The following EIF4G3 variants were observed in gnomAD, a reference collection of about 807,000 sequenced individuals.
EIF4G3 encodes eIF-4-gamma 3.
Under a neutral mutation model 186.4 loss-of-function variants are expected in EIF4G3, and 34 were observed. That is an observed-to-expected ratio of 0.18 (90% CI 0.14 to 0.24). The LOEUF (loss-of-function observed/expected upper bound fraction) is 0.24, where lower values mean the gene tolerates loss of function less well. Ranked by LOEUF, EIF4G3 falls within the 10% of genes least tolerant of loss-of-function variation. EIF4G3 has a pLI of 1.00. For missense variants in EIF4G3, 1,536 were observed against 1,948.5 expected (o/e 0.79, Z 3.99); for synonymous variants, 673 against 679.5 (o/e 0.99, Z 0.15).
chr1:21,090,655 A>G (rs2096163109), intron 2 of EIF4G3, among the ~76,000 whole-genome samples: 3 of 152,302 alleles, frequency 2.0e-5, no homozygotes, highest in Middle Eastern at 3.4e-3. Context: ...ATAAACAGAA[A>G]TTGTCTTTCA....
At chr1:20,886,410 A>G (rs765458442) in intron 18 of EIF4G3, 39 bp from the exon 19 acceptor site, 2 of 1,595,410 alleles carry the variant, frequency 1.3e-6, no homozygotes, top group Non-Finnish European at 1.7e-6. Flanking sequence ...AGTACTTACA[A>G]TTTATTGGCT....
intron 30 of EIF4G3, among the ~76,000 whole-genome samples, chr1:20,834,222 G>A (rs1383624470): frequency 6.6e-6 from 1 of 152,156 alleles, no homozygotes; most frequent in Non-Finnish European, 1.5e-5. Context: ...GTCAAGGCAG[G>A]AGGATCAATT....
In EIF4G3 at chr1:21,176,867, T is replaced by C. The variant is rs985905415; in HGVS notation, c.-601A>G. The stretch of plus-strand genomic sequence containing the variant: ...GAGCAGAGCATCCAACATGGCGCTG[T>C]GGCCGCCTCCAGCAGTCCGGCAGGA... On this transcript the variant is annotated 5_prime_UTR_variant, in exon 1 of 37. Coordinates refer to ENST00000602326, the MANE Select transcript of EIF4G3 (RefSeq NM_001391906.1). 7 of 699,560 alleles carry C rather than the reference T, an allele frequency of 1.0e-5. No homozygotes were observed. The highest frequency in any genetic ancestry group is 5.3e-5 in the African/African-American group (3 of 57,000). 43.3% of individuals were successfully genotyped at this position (699,560 alleles called of 1,614,324 possible).
chr1:21,045,231 C>T (rs907626754), intron 4 of EIF4G3, among the ~76,000 whole-genome samples: 17 of 152,070 alleles, frequency 1.1e-4, no homozygotes, highest in African/African-American at 3.6e-4. Context: ...ACAAGATTCC[C>T]GGAAGCTGGA....
chr1:20,876,102 A>G (rs918818398), intron 20 of EIF4G3, among the ~76,000 whole-genome samples: 2 of 151,606 alleles, frequency 1.3e-5, no homozygotes, highest in Non-Finnish European at 2.9e-5. Context: ...ATGTGCCTGT[A>G]GTCCCAGCTA....
At chr1:20,914,690 ATATTT>A (rs1475050453) in intron 14 of EIF4G3, among the ~76,000 whole-genome samples, 2 of 152,210 alleles carry the variant, frequency 1.3e-5, no homozygotes, top group Admixed American at 6.5e-5. Flanking sequence ...TCGGTTCAAA[ATATTT>A]TATAATTTCT....
chr1:21,054,246 T>C (rs1049480605), intron 3 of EIF4G3, among the ~76,000 whole-genome samples: 1 of 151,270 alleles, frequency 6.6e-6, no homozygotes, highest in Non-Finnish European at 1.5e-5. Context: ...CAAGATGTGC[T>C]TTGTTAAACA....
intron 2 of EIF4G3, among the ~76,000 whole-genome samples, chr1:21,134,061 TTTTAC>T (rs2097198784): frequency 6.6e-6 from 1 of 152,220 alleles, no homozygotes; most frequent in Non-Finnish European, 1.5e-5. Context: ...CACATTAGAA[TTTTAC>T]TTCACTGAGC....
At chr1:21,113,357 T>C (rs1397336214) in intron 2 of EIF4G3, among the ~76,000 whole-genome samples, 1 of 152,054 alleles carries the variant, frequency 6.6e-6, no homozygotes, top group East Asian at 1.9e-4. Flanking sequence ...GAAGAATGAA[T>C]TCTTACATGT....
At chr1:20,837,868 G>T (rs1252291331) in intron 30 of EIF4G3, among the ~76,000 whole-genome samples, 1 of 152,086 alleles carries the variant, frequency 6.6e-6, no homozygotes, top group Non-Finnish European at 1.5e-5. Context: ...GCACTAAATT[G>T]TCAGGCCTCT....
At chr1:21,141,725 T>A (rs1192419350) in intron 2 of EIF4G3, among the ~76,000 whole-genome samples, 1 of 152,072 alleles carries the variant, frequency 6.6e-6, no homozygotes, top group Non-Finnish European at 1.5e-5. Flanking sequence ...ACCTAGGAGT[T>A]CAAGACTAGC....
chr1:20,818,929 A>G (rs1437666322), intron 33 of EIF4G3, among the ~76,000 whole-genome samples: 2 of 152,056 alleles, frequency 1.3e-5, no homozygotes, highest in Admixed American at 6.6e-5. Flanking sequence ...ATTTCCCAAT[A>G]AGGTTTTATT....
At chr1:20,934,517 G>A (rs16824854) in intron 14 of EIF4G3, among the ~76,000 whole-genome samples, 4,429 of 152,152 alleles carry the variant, frequency 0.029, 140 homozygotes, top group East Asian at 0.14. Context: ...AAAAAAAGGC[G>A]TACCCAGTGT....
At chr1:21,059,408 C>G (rs1018933850) in intron 3 of EIF4G3, among the ~76,000 whole-genome samples, 8 of 151,974 alleles carry the variant, frequency 5.3e-5, no homozygotes, top group African/African-American at 1.9e-4. Context: ...TTCCCCAAAT[C>G]TACAGATATT....
intron 14 of EIF4G3, among the ~76,000 whole-genome samples, chr1:20,926,329 G>C (rs561589853): frequency 6.6e-6 from 1 of 152,300 alleles, no homozygotes; most frequent in East Asian, 1.9e-4. Flanking sequence ...GAGGGTTAAA[G>C]AACTGACCAC....
intron 3 of EIF4G3, among the ~76,000 whole-genome samples, chr1:21,082,684 T>C (rs1016904057): frequency 3.3e-5 from 5 of 152,060 alleles, no homozygotes; most frequent in Admixed American, 6.6e-5. Context: ...AGAGGATCAA[T>C]TGAAGCCAGG....
At chr1:20,965,353 TC>T (rs1253259408) in intron 12 of EIF4G3, among the ~76,000 whole-genome samples, 1 of 152,226 alleles carries the variant, frequency 6.6e-6, no homozygotes, top group East Asian at 1.9e-4. Context: ...ACTCTCTCTC[TC>T]CCTTACATCT....
intron 3 of EIF4G3, among the ~76,000 whole-genome samples, chr1:21,053,599 G>A (rs1389861006): frequency 1.4e-5 from 2 of 140,766 alleles, no homozygotes; most frequent in South Asian, 2.2e-4. Flanking sequence ...AGGTTGGGGG[G>A]TCAGCCCCCC....
intron 2 of EIF4G3, among the ~76,000 whole-genome samples, chr1:21,110,357 G>A (rs1204089525): frequency 1.3e-5 from 2 of 150,938 alleles, no homozygotes; most frequent in South Asian, 2.1e-4. Context: ...GTGCAGTGAC[G>A]CAATCGCGGC....
Sources: gnomAD v4.1 joint callset for allele counts (sites outside exome capture counted in the v4.1 genomes callset) on GRCh38, gnomAD v4.1.1 for gene constraint, MANE v1.5 for transcripts, NCBI Gene and HGNC (gene_info 2026-07-23, HGNC 2026-07-21) for gene names.